Variants in PRKN observed in about 807,000 individuals in gnomAD.
PRKN encodes the protein E3 ubiquitin-protein ligase parkin.
PRKN carries 56 observed loss-of-function variants against 59.5 expected under a neutral mutation model. The ratio of observed to expected loss-of-function variants is 0.94; its 90% confidence interval spans 0.76 to 1.18. The LOEUF is 1.18. PRKN is among the 50% of genes most tolerant of loss of function. PRKN has a pLI of 0.00. For synonymous variants in PRKN, 250 were observed against 222.1 expected (o/e 1.13, Z -1.12); for missense variants, 657 against 596.4 (o/e 1.10, Z -1.06).
At chr6:162,450,379 AT>A (rs1790554169) in intron 1 of PRKN, among the ~76,000 whole-genome samples, 13 of 131,158 alleles carry the variant, frequency 9.9e-5, no homozygotes, top group African/African-American at 3.4e-4. Flanking sequence ...TGTGATTGTA[AT>A]CCCCCTGTGA....
intron 1 of PRKN, among the ~76,000 whole-genome samples, chr6:162,472,417 A>G (rs61111966): frequency 0.26 from 34,374 of 131,596 alleles, 4,845 homozygotes; most frequent in East Asian, 0.38. Context: ...TCATTGTTCA[A>G]TTCCCACCTA....
chr6:162,197,909 G>A (rs575217413), intron 4 of PRKN, among the ~76,000 whole-genome samples: 2 of 152,226 alleles, frequency 1.3e-5, no homozygotes, highest in South Asian at 2.1e-4. Context: ...CACTTTGTGA[G>A]GTGTTAAACA....
At chr6:161,734,777 G>C (rs1005962406) in intron 7 of PRKN, among the ~76,000 whole-genome samples, 7 of 152,056 alleles carry the variant, frequency 4.6e-5, no homozygotes, top group Admixed American at 1.3e-4. Flanking sequence ...GAGTGAATAA[G>C]GTATGTACAC....
At chr6:161,943,918 CT>C (rs1358941094) in intron 6 of PRKN, among the ~76,000 whole-genome samples, 2 of 148,466 alleles carry the variant, frequency 1.3e-5, no homozygotes, top group Non-Finnish European at 1.5e-5. Flanking sequence ...AGGGATCAGC[CT>C]TGAGGAAGCA....
chr6:162,257,449 T>C (rs1194622835), intron 3 of PRKN, among the ~76,000 whole-genome samples: 1 of 152,078 alleles, frequency 6.6e-6, no homozygotes, highest in East Asian at 1.9e-4. Context: ...AACCAAAACA[T>C]CTAGAGGAAA....
chr6:162,215,019 A>G (rs1008580656), intron 3 of PRKN, among the ~76,000 whole-genome samples: 1 of 152,002 alleles, frequency 6.6e-6, no homozygotes, highest in African/African-American at 2.4e-5. Context: ...ATTTCATCCT[A>G]CTTCCCCATC....
intron 2 of PRKN, among the ~76,000 whole-genome samples, chr6:162,330,258 T>C (rs1271644363): frequency 2.0e-5 from 3 of 152,104 alleles, no homozygotes; most frequent in Non-Finnish European, 4.4e-5. Context: ...GTCTCTGCAT[T>C]TTTTCTTGGT....
chr6:161,708,563 T>C (rs1275958926), intron 7 of PRKN, among the ~76,000 whole-genome samples: 1 of 151,964 alleles, frequency 6.6e-6, no homozygotes, highest in Non-Finnish European at 1.5e-5. Context: ...AGGAACGTCA[T>C]TCACTTAACC....
At chr6:162,153,807 C>G (rs1313365606) in intron 4 of PRKN, among the ~76,000 whole-genome samples, 1 of 152,194 alleles carries the variant, frequency 6.6e-6, no homozygotes, top group Non-Finnish European at 1.5e-5. Flanking sequence ...GAAGCCAATT[C>G]ACCTCTCCCC....
chr6:161,957,328 T>C (rs1390792972), intron 6 of PRKN, among the ~76,000 whole-genome samples: 1 of 152,156 alleles, frequency 6.6e-6, no homozygotes, highest in Non-Finnish European at 1.5e-5. Flanking sequence ...TAAGGGTAAA[T>C]GACTAGTTCA....
chr6:162,042,328 T>C (rs957104985), intron 5 of PRKN, among the ~76,000 whole-genome samples: 2 of 152,130 alleles, frequency 1.3e-5, no homozygotes, highest in Non-Finnish European at 2.9e-5. Flanking sequence ...AGTCTTGCTC[T>C]GTTACCCAGG....
In PRKN at chr6:161,906,659, C is replaced by CAT. The variant is rs144796790; in HGVS notation, c.734+66641_734+66642dup. Among the ~76,000 whole-genome samples, 849 of 116,582 alleles carry CAT rather than the reference C, an allele frequency of 7.3e-3. 62 individuals are homozygous for CAT. The highest frequency in any genetic ancestry group is 0.023 in the African/African-American group (654 of 28,236). The allele number at this position is 116,582 out of a possible 152,430, so 76.5% of individuals were successfully genotyped here. A position where few individuals can be genotyped will look rare whatever the true frequency, so the allele number is the denominator to read the frequency against. On this transcript the variant is annotated intron_variant, in intron 6 of 11. Coordinates refer to ENST00000366898, the MANE Select transcript of PRKN (RefSeq NM_004562.3). The stretch of plus-strand genomic sequence containing the variant: ...AGAGGGACAAATCTAATAGAACATA[C>CAT]ATATATATATATATATGTATATATG...
chr6:161,502,223 A>G lies in PRKN; in HGVS notation c.1083+46631T>C, dbSNP rs1242550781. 6.6e-6 allele frequency among the ~76,000 whole-genome samples: 1 copy of G among 152,014 alleles called. No homozygotes were observed. The highest frequency in any genetic ancestry group is 1.5e-5 in the Non-Finnish European group (1 of 68,012). ...TCATTAGTCAATTGATTAAGTTTGC[A>G]CTCTTTGGGAGAGGCACTACTCCTA... On this transcript the variant is annotated intron_variant, in intron 9 of 11. Coordinates refer to ENST00000366898, the MANE Select transcript of PRKN (RefSeq NM_004562.3). The surrounding 1 kb of genome is among the most constrained non-coding windows in gnomAD (Gnocchi z 4.0).
At chr6:162,696,900 A>C (rs2849527) in intron 1 of PRKN, among the ~76,000 whole-genome samples, 122,502 of 152,086 alleles carry the variant, frequency 0.81, 49,541 homozygotes, top group East Asian at 0.97. Context: ...TACATTACTC[A>C]TCCATAAATA....
At position 161,467,931 on chromosome 6, in the gene PRKN, T is replaced by A. The variant is rs555812849; in HGVS notation, c.1083+80923A>T. On this transcript the variant is annotated intron_variant, in intron 9 of 11. Transcript: ENST00000366898. The surrounding 1 kb of genome is among the most constrained non-coding windows in gnomAD (Gnocchi z 4.3). ...CTTTTTTTTTTCATGTGAGAAAGAGTAAAATTCTATTCCTTCTCACTCCCT... is the reference window on the plus strand; with the variant it reads ...CTTTTTTTTTTCATGTGAGAAAGAGAAAAATTCTATTCCTTCTCACTCCCT... Among the ~76,000 whole-genome samples, 1 of 150,934 alleles carries A rather than the reference T, an allele frequency of 6.6e-6. No individual in the cohort carries two copies. Among genetic ancestry groups the A allele is most frequent in the Non-Finnish European group, 1.5e-5 (1 of 67,732 alleles).
intron 1 of PRKN, among the ~76,000 whole-genome samples, chr6:162,615,073 T>C (rs935837816): frequency 6.6e-6 from 1 of 152,090 alleles, no homozygotes; most frequent in African/African-American, 2.4e-5. Flanking sequence ...TTAAAAACAA[T>C]AAAAATGTGC....
At chr6:161,986,051 A>T (rs2128256023) in intron 5 of PRKN, among the ~76,000 whole-genome samples, 1 of 152,320 alleles carries the variant, frequency 6.6e-6, no homozygotes, top group Middle Eastern at 3.4e-3. Context: ...TACATCCACC[A>T]GTGTGTCATG....
chr6:161,395,513 A>G lies in PRKN; in HGVS notation c.1084-8636T>C, dbSNP rs561391186. ...TTCTAGACATGAAATAGCTGGGTCC[A>G]AGGGCATATGGACTTTCCATTTTGA... On this transcript the variant is annotated intron_variant, in intron 9 of 11. Transcript: ENST00000366898. This position sits in a 1 kb window ranked among gnomAD's most constrained non-coding sequence, Gnocchi z 5.0. Among the ~76,000 whole-genome samples the G allele has an allele frequency of 1.3e-5, 2 of 152,322 alleles. No individual in the cohort carries two copies. The highest frequency in any genetic ancestry group is 2.9e-5 in the Non-Finnish European group (2 of 68,034).
intron 1 of PRKN, among the ~76,000 whole-genome samples, chr6:162,661,217 C>T (rs1000140704): frequency 2.0e-5 from 3 of 151,728 alleles, no homozygotes; most frequent in South Asian, 2.1e-4. Context: ...GCTGAGATCA[C>T]GCCATTGCAC....
Sources: gnomAD v4.1 joint callset for allele counts (sites outside exome capture counted in the v4.1 genomes callset) on GRCh38, gnomAD v4.1.1 for gene constraint, Gnocchi (gnomAD v3.1) non-coding constraint, MANE v1.5 for transcripts, NCBI Gene and HGNC (gene_info 2026-07-23, HGNC 2026-07-21) for gene names.